The following DCAF12 variants were observed in gnomAD, a reference collection of about 807,000 sequenced individuals.
The protein encoded by DCAF12 is DDB1 and CUL4 associated factor 12.
A neutral mutation model predicts 52.8 loss-of-function variants in DCAF12; 28 were observed. The ratio of observed to expected loss-of-function variants is 0.53; its 90% confidence interval spans 0.39 to 0.73. The LOEUF is 0.73. DCAF12 is among the 30% of genes least tolerant of loss of function. The pLI is 0.00. For missense variants in DCAF12, 425 were observed against 552.2 expected (o/e 0.77, Z 2.31); for synonymous variants, 196 against 215.5 (o/e 0.91, Z 0.79).
chr9:34,110,550 TC>T (rs1828981881), intron 2 of DCAF12, among the ~76,000 whole-genome samples: 1 of 152,118 alleles, frequency 6.6e-6, no homozygotes, highest in Non-Finnish European at 1.5e-5. Flanking sequence ...CTAAAAAACA[TC>T]CAATGACTCC....
At chr9:34,091,639 CAAAA>C (rs34922785) in intron 7 of DCAF12, among the ~76,000 whole-genome samples, 1 of 80,508 alleles carries the variant, frequency 1.2e-5, no homozygotes, top group African/African-American at 5.1e-5. Context: ...ACCCTGTCTT[CAAAA>C]AAAAAAAAAA....
chr9:34,125,551 G>C (rs1829235711), intron 1 of DCAF12: 2 of 551,766 alleles, frequency 3.6e-6, no homozygotes, highest in East Asian at 9.0e-5. Context: ...AGGTTTACTA[G>C]ACATTTTAGG....
chr9:34,097,689 T>C (rs2131429026), intron 5 of DCAF12, among the ~76,000 whole-genome samples: 1 of 152,064 alleles, frequency 6.6e-6, no homozygotes, highest in South Asian at 2.1e-4. Flanking sequence ...TCCCAGAACT[T>C]TGGGAGGCCA....
intron 6 of DCAF12, chr9:34,095,956 CCTGT>C (rs1053037861): frequency 6.6e-6 from 1 of 152,034 alleles, no homozygotes; most frequent in African/African-American, 2.4e-5. Flanking sequence ...AAAGAATCAC[CCTGT>C]CTTACTCTTT....
intron 4 of DCAF12, 40 bp from the exon 5 acceptor site, chr9:34,098,557 C>G: frequency 6.3e-7 from 1 of 1,584,408 alleles, no homozygotes; most frequent in Non-Finnish European, 8.6e-7. Flanking sequence ...ATGTACCCAC[C>G]CCTCTATGGG....
chr9:34,125,570 A>T (rs1309985855), intron 1 of DCAF12: 1 of 516,654 alleles, frequency 1.9e-6, no homozygotes, highest in Non-Finnish European at 3.9e-6. Flanking sequence ...GGAGTGAAAG[A>T]TTGAAGGAAA....
At chr9:34,125,303 G>A in intron 1 of DCAF12, 26 bp from the exon 2 acceptor site, 1 of 1,611,170 alleles carries the variant, frequency 6.2e-7, no homozygotes, top group Non-Finnish European at 8.5e-7. Context: ...TAGAAATCAG[G>A]GCTTTGGCTA....
intron 4 of DCAF12, among the ~76,000 whole-genome samples, chr9:34,103,265 G>A (rs572067548): frequency 4.6e-5 from 7 of 151,442 alleles, no homozygotes; most frequent in East Asian, 2.0e-4. Flanking sequence ...AAACCAGCCC[G>A]GCGTGGTGGC....
At chr9:34,094,441 A>C (rs978260059) in intron 6 of DCAF12, among the ~76,000 whole-genome samples, 2 of 151,918 alleles carry the variant, frequency 1.3e-5, no homozygotes, top group Non-Finnish European at 2.9e-5. Context: ...ATTCACAGGT[A>C]GGTTTAACTC....
intron 2 of DCAF12, among the ~76,000 whole-genome samples, chr9:34,123,202 A>G (rs1829201048): frequency 6.6e-6 from 1 of 152,206 alleles, no homozygotes; most frequent in African/African-American, 2.4e-5. Flanking sequence ...AAACTTTCCT[A>G]TTGAGAATAC....
chr9:34,097,982 G>T (rs886912586), intron 5 of DCAF12, among the ~76,000 whole-genome samples: 1 of 151,512 alleles, frequency 6.6e-6, no homozygotes, highest in Non-Finnish European at 1.5e-5. Context: ...GAAAAAAAGT[G>T]ATTGTTTTCA....
rs1829255690 is a variant in DCAF12 at position 34,126,612 on chromosome 9, A to T, written c.-181T>A. On this transcript the variant is annotated 5_prime_UTR_variant, in exon 1 of 9. Transcript: ENST00000361264. Reference sequence around the variant, plus strand: ...GGCGGAAAGAAAGGAAAGAGAGAGGAAGGACTTGAGCCGGGAAAGGGAAGG... The same window carrying T: ...GGCGGAAAGAAAGGAAAGAGAGAGGTAGGACTTGAGCCGGGAAAGGGAAGG... The T allele has an allele frequency of 1.5e-6, 1 of 678,432 alleles. No individual in the cohort carries two copies. Among genetic ancestry groups the T allele is most frequent in the Non-Finnish European group, 2.4e-6 (1 of 414,662 alleles). The allele number at this position is 678,432 out of a possible 1,614,324, so 42.0% of individuals were successfully genotyped here.
chr9:34,125,859 AG>A, intron 1 of DCAF12: 1 of 285,142 alleles, frequency 3.5e-6, no homozygotes. Context: ...TCCCCTCCAA[AG>A]GGGGCGGCAT....
chr9:34,098,777 A>AT (rs974923863), intron 4 of DCAF12, among the ~76,000 whole-genome samples: 19 of 151,364 alleles, frequency 1.3e-4, no homozygotes, highest in Admixed American at 9.2e-4. Context: ...TATTATTATT[A>AT]TTTTTTTTTG....
chr9:34,104,427 GA>G (rs1334923397), intron 4 of DCAF12, among the ~76,000 whole-genome samples: 1 of 152,208 alleles, frequency 6.6e-6, no homozygotes, highest in East Asian at 1.9e-4. Flanking sequence ...CTATGAGAGA[GA>G]AAGTTGGAAA....
chr9:34,120,336 C>A (rs771680472), intron 2 of DCAF12, among the ~76,000 whole-genome samples: 1 of 151,238 alleles, frequency 6.6e-6, no homozygotes, highest in Non-Finnish European at 1.5e-5. Flanking sequence ...GCCATGACTG[C>A]ACCACTGTAC....
rs1828744767 is a variant in DCAF12 at position 34,096,912 on chromosome 9, A to C, written c.796-131T>G. 8.0e-6 allele frequency: 6 copies of C among 754,436 alleles called. No individual in the cohort carries two copies. The East Asian group carries it at 8.1e-5, about 10-fold the overall frequency. 46.7% of individuals were successfully genotyped at this position (754,436 alleles called of 1,614,324 possible). A position where few individuals can be genotyped will look rare whatever the true frequency, so the allele number is the denominator to read the frequency against. ...GATGATTCCAGCAGAGGTGCCAGTA[A>C]TTATTAGACCATTACTTCACCCTAC... is the stretch of plus-strand genomic sequence containing the variant. On this transcript the variant is annotated intron_variant, in intron 5 of 8. Transcript: ENST00000361264.
rs1829249524 is a variant in DCAF12, at chr9:34,126,342, C to T, written c.78+12G>A. 1.9e-6 allele frequency: 3 copies of T among 1,612,302 alleles called. No homozygotes were observed. Among genetic ancestry groups the T allele is most frequent in the African/African-American group, 1.3e-5 (1 of 75,058 alleles). ...AGCCTCACCACCCAGGTGCCGGCCT[C>T]TCAACCCTCACCTGCGGGCCCTGAG... On this transcript the variant is annotated intron_variant, in intron 1 of 8. Transcript: ENST00000361264.
At chr9:34,092,824 T>C (rs1376026451) in intron 7 of DCAF12, among the ~76,000 whole-genome samples, 1 of 152,136 alleles carries the variant, frequency 6.6e-6, no homozygotes, top group Non-Finnish European at 1.5e-5. Flanking sequence ...GAAAGTCTAG[T>C]GCCCTTTTGT....
Sources: gnomAD v4.1 joint callset for allele counts (sites outside exome capture counted in the v4.1 genomes callset) on GRCh38, gnomAD v4.1.1 for gene constraint, MANE v1.5 for transcripts, NCBI Gene and HGNC (gene_info 2026-07-23, HGNC 2026-07-21) for gene names.